The following ENPP6 variants were observed in gnomAD, a reference collection of about 807,000 sequenced individuals.
The protein encoded by ENPP6 is glycerophosphocholine cholinephosphodiesterase ENPP6.
Under a neutral mutation model 42.0 loss-of-function variants are expected in ENPP6, and 32 were observed. The observed-to-expected ratio is 0.76, with a 90% confidence interval of 0.58 to 1.02. The LOEUF (loss-of-function observed/expected upper bound fraction) is 1.02, where lower values mean the gene tolerates loss of function less well. ENPP6 is among the 50% of genes least tolerant of loss of function. ENPP6 has a pLI of 0.00. For synonymous variants in ENPP6, 213 were observed against 216.0 expected (o/e 0.99, Z 0.12); for missense variants, 552 against 566.8 (o/e 0.97, Z 0.27).
intron 6 of ENPP6, among the ~76,000 whole-genome samples, chr4:184,105,412 C>T (rs781427357): frequency 6.6e-5 from 10 of 152,260 alleles, no homozygotes; most frequent in Middle Eastern, 3.4e-3. Flanking sequence ...CTGGGAAACA[C>T]GATGTTAGAA....
At position 184,166,469 on chromosome 4, in the gene ENPP6, A is replaced by C. The variant is rs372468164; in HGVS notation, c.242-12736T>G. Reference sequence around the variant, plus strand: ...TTTAACAAGCAGAATACAGAAAAGGAAACAAAAATAATTTTCCTGCATAAG... The same window carrying C: ...TTTAACAAGCAGAATACAGAAAAGGCAACAAAAATAATTTTCCTGCATAAG... On this transcript the variant is annotated intron_variant, in intron 1 of 7. Transcript: ENST00000296741. Among the ~76,000 whole-genome samples the C allele has an allele frequency of 5.3e-5, 8 of 152,346 alleles. No individual in the cohort carries two copies. The East Asian group carries it at 1.3e-3, about 26-fold the overall frequency.
In ENPP6 at chr4:184,104,345, A is replaced by G. The variant is rs186719383; in HGVS notation, c.994-6977T>C. On this transcript the variant is annotated intron_variant, in intron 6 of 7. Transcript: ENST00000296741. Reference sequence around the variant, plus strand: ...TCAAAATAAGTCTTTCCTCTGGAGAAAAATATTGGCCTCCTTTAGAAGCTT... The same window carrying G: ...TCAAAATAAGTCTTTCCTCTGGAGAGAAATATTGGCCTCCTTTAGAAGCTT... 1.0e-3 allele frequency among the ~76,000 whole-genome samples: 154 copies of G among 152,374 alleles called. 1 individual carries two copies. In the Middle Eastern group the frequency reaches 0.014, roughly 13 times the overall value.
intron 1 of ENPP6, among the ~76,000 whole-genome samples, chr4:184,213,706 G>C (rs1157381298): frequency 6.7e-6 from 1 of 149,462 alleles, no homozygotes; most frequent in East Asian, 1.9e-4. Context: ...TCTAGAACTG[G>C]AAATACCATT....
At chr4:184,216,106 G>A (rs1414643198) in intron 1 of ENPP6, among the ~76,000 whole-genome samples, 1 of 152,230 alleles carries the variant, frequency 6.6e-6, no homozygotes, top group Non-Finnish European at 1.5e-5. Context: ...CCCCTGGCAA[G>A]GCTCTGAAAG....
At chr4:184,193,896 A>G (rs1377497499) in intron 1 of ENPP6, among the ~76,000 whole-genome samples, 5 of 152,110 alleles carry the variant, frequency 3.3e-5, no homozygotes, top group African/African-American at 1.2e-4. Context: ...CATTTCTTAT[A>G]TTCTTTAATT....
Position 184,116,950 on chromosome 4 carries a change from T to C in ENPP6, c.761A>G (p.Glu254Gly). 6.2e-7 allele frequency: 1 copy of C among 1,614,188 alleles called. No homozygotes were observed. The highest frequency in any genetic ancestry group is 1.3e-5 in the African/African-American group (1 of 75,058). ...TDIFWMDKVI[E>G]LNKYISLNDL... Reference sequence around the variant, plus strand: ...ATTCAGGCTGATGTACTTATTCAGCTCAATCACTTTGTCCATCCAGAAAAT... The same window carrying C: ...ATTCAGGCTGATGTACTTATTCAGCCCAATCACTTTGTCCATCCAGAAAAT... The change falls in exon 5 of 8, where the codon GAG becomes GGG. Residue 254 changes from glutamate (E) to glycine (G), a missense_variant. Coordinates refer to ENST00000296741, the MANE Select transcript of ENPP6 (RefSeq NM_153343.4).
chr4:184,129,287 A>AAC (rs1491035895), intron 2 of ENPP6, among the ~76,000 whole-genome samples: 3 of 85,560 alleles, frequency 3.5e-5, no homozygotes, highest in East Asian at 3.2e-4. Context: ...ACACCCCCCC[A>AAC]ACATACACAC....
intron 2 of ENPP6, among the ~76,000 whole-genome samples, chr4:184,141,378 C>T (rs1393904444): frequency 6.6e-6 from 1 of 152,202 alleles, no homozygotes; most frequent in African/African-American, 2.4e-5. Flanking sequence ...CAAGTCCCCC[C>T]AACATGACTG....
intron 1 of ENPP6, among the ~76,000 whole-genome samples, chr4:184,202,019 C>A (rs1328212794): frequency 6.6e-6 from 1 of 152,166 alleles, no homozygotes; most frequent in Non-Finnish European, 1.5e-5. Flanking sequence ...ATAGGAAGTC[C>A]ATTTACTGGG....
chr4:184,157,077 G>T (rs948443880), intron 1 of ENPP6, among the ~76,000 whole-genome samples: 3 of 152,242 alleles, frequency 2.0e-5, no homozygotes, highest in African/African-American at 7.2e-5. Flanking sequence ...TGCTAAGTCA[G>T]TTTAGTGATA....
chr4:184,136,745 T>TGGCTTCTTTTAAGATTTTCTCA (rs1196668983), intron 2 of ENPP6, among the ~76,000 whole-genome samples: 1 of 152,260 alleles, frequency 6.6e-6, no homozygotes, highest in African/African-American at 2.4e-5. Flanking sequence ...CAATTTTCTC[T>TGGCTTCTTTTAAGATTTTCTCA]GGCTTCTTTT....
At chr4:184,151,940 T>C (rs182974587) in intron 2 of ENPP6, among the ~76,000 whole-genome samples, 1 of 152,334 alleles carries the variant, frequency 6.6e-6, no homozygotes, top group Non-Finnish European at 1.5e-5. Flanking sequence ...TCCTAAACTC[T>C]TCCTCTTCCT....
chr4:184,165,451 C>T (rs920460359), intron 1 of ENPP6, among the ~76,000 whole-genome samples: 2 of 152,248 alleles, frequency 1.3e-5, no homozygotes, highest in African/African-American at 4.8e-5. Flanking sequence ...TGCTCCCCTC[C>T]AGCCACGGTG....
intron 1 of ENPP6, among the ~76,000 whole-genome samples, chr4:184,173,195 G>A (rs1046030774): frequency 7.9e-5 from 12 of 152,026 alleles, no homozygotes; most frequent in Non-Finnish European, 1.6e-4. Flanking sequence ...ATGGACCACC[G>A]CGCCCGGCCT....
At chr4:184,106,047 T>A (rs1342663886) in intron 6 of ENPP6, among the ~76,000 whole-genome samples, 2 of 152,084 alleles carry the variant, frequency 1.3e-5, no homozygotes, top group Non-Finnish European at 2.9e-5. Flanking sequence ...GTTGTTTTTT[T>A]TTTTTTTGAG....
chr4:184,117,417 T>C (rs1312829317), intron 4 of ENPP6, among the ~76,000 whole-genome samples: 1 of 152,222 alleles, frequency 6.6e-6, no homozygotes, highest in Non-Finnish European at 1.5e-5. Context: ...TGAACACTTG[T>C]AGTCATTCAG....
chr4:184,161,263 C>T (rs1354505294), intron 1 of ENPP6, among the ~76,000 whole-genome samples: 1 of 152,118 alleles, frequency 6.6e-6, no homozygotes, highest in Non-Finnish European at 1.5e-5. Context: ...AGAAGATATA[C>T]AAATGACCAG....
intron 2 of ENPP6, among the ~76,000 whole-genome samples, chr4:184,151,676 A>G (rs1484856465): frequency 2.0e-5 from 3 of 152,170 alleles, no homozygotes; most frequent in African/African-American, 7.2e-5. Context: ...GGTGGTCCCT[A>G]ATGCAGTGTG....
chr4:184,145,481 C>G (rs373127605), intron 2 of ENPP6, among the ~76,000 whole-genome samples: 2 of 152,318 alleles, frequency 1.3e-5, no homozygotes, highest in African/African-American at 4.8e-5. Flanking sequence ...TGATGAAGCC[C>G]GAGGTTGGTC....
Sources: gnomAD v4.1 joint callset for allele counts (sites outside exome capture counted in the v4.1 genomes callset) on GRCh38, gnomAD v4.1.1 for gene constraint, MANE v1.5 for transcripts, NCBI Gene and HGNC (gene_info 2026-07-23, HGNC 2026-07-21) for gene names.